The following RIC1 variants were observed in gnomAD, a reference collection of about 807,000 sequenced individuals.
RIC1 encodes guanine nucleotide exchange factor subunit RIC1.
Under a neutral mutation model 169.0 loss-of-function variants are expected in RIC1, and 88 were observed. The observed-to-expected ratio is 0.52, with a 90% CI of 0.44 to 0.62. The LOEUF is 0.62. Among genes scored for constraint, RIC1 ranks in the 20% least tolerant of loss-of-function variants. The pLI is 0.00. For synonymous variants in RIC1, 790 were observed against 601.5 expected, an observed-to-expected ratio of 1.31 and a Z score of -4.59; for missense variants, 1,877 against 1,725.5, an observed-to-expected ratio of 1.09 and a Z score of -1.56.
intron 4 of RIC1, among the ~76,000 whole-genome samples, chr9:5,714,896 G>T (rs949646433): frequency 5.3e-5 from 8 of 152,054 alleles, no homozygotes; most frequent in African/African-American, 1.9e-4. Flanking sequence ...TGAATTATAT[G>T]AATGTCATGC....
intron 2 of RIC1, among the ~76,000 whole-genome samples, chr9:5,663,701 C>A (rs1210745590): frequency 6.6e-6 from 1 of 152,112 alleles, no homozygotes; most frequent in Non-Finnish European, 1.5e-5. Flanking sequence ...GGATGTGTGT[C>A]TTTGCACATG....
At chr9:5,629,732 G>C (rs1024956345) in intron 1 of RIC1, among the ~76,000 whole-genome samples, 1 of 151,794 alleles carries the variant, frequency 6.6e-6, no homozygotes, top group Non-Finnish European at 1.5e-5. Flanking sequence ...GACTCCGCAC[G>C]CTCCCCGGCC....
At chr9:5,722,350 T>A (rs34517640) in intron 6 of RIC1, among the ~76,000 whole-genome samples, 8,041 of 79,226 alleles carry the variant, frequency 0.1, 301 homozygotes, top group African/African-American at 0.17. Context: ...AGAGAGAGAG[T>A]GTGTGTGTGT....
chr9:5,657,197 AAAT>A (rs1819153312), intron 2 of RIC1, among the ~76,000 whole-genome samples: 1 of 152,162 alleles, frequency 6.6e-6, no homozygotes, highest in Non-Finnish European at 1.5e-5. Context: ...ATATTCCAGA[AAAT>A]AATAAGCTTT....
Position 5,765,783 on chromosome 9 carries a change from G to A in RIC1, c.3122G>A (p.Gly1041Asp). Residue 1041 changes from glycine to aspartate, a missense_variant, in exon 21 of 26, where the codon GGT becomes GAT. By Grantham distance (94) the Gly-to-Asp change is moderately conservative. Coordinates refer to ENST00000414202, the MANE Select transcript of RIC1 (RefSeq NM_020829.4). ...SLQKTLSMPSGPSGKRWSKDS... is the reference protein window; with the variant it reads ...SLQKTLSMPSDPSGKRWSKDS... ...CAGAAAACACTAAGTATGCCATCTGGTCCCTCTGGAAAAAGGTAAAATAAT... is the reference window on the plus strand; with the variant it reads ...CAGAAAACACTAAGTATGCCATCTGATCCCTCTGGAAAAAGGTAAAATAAT... The A allele has an allele frequency of 3.1e-6, 5 of 1,614,050 alleles. No individual in the cohort carries two copies. Among genetic ancestry groups the A allele is most frequent in the Non-Finnish European group, 3.4e-6 (4 of 1,179,980 alleles).
intron 1 of RIC1, among the ~76,000 whole-genome samples, chr9:5,655,242 G>A (rs1819022744): frequency 6.6e-6 from 1 of 152,088 alleles, no homozygotes; most frequent in African/African-American, 2.4e-5. Flanking sequence ...CTATTCCCGA[G>A]AGGTTTTTTT....
At chr9:5,698,985 C>G (rs1007423154) in intron 3 of RIC1, among the ~76,000 whole-genome samples, 5 of 152,306 alleles carry the variant, frequency 3.3e-5, no homozygotes, top group Non-Finnish European at 7.4e-5. Context: ...AAAAGCAAGT[C>G]TCAGATTGAG....
In RIC1 at chr9:5,765,394, G is replaced by A. The variant is rs201990573; in HGVS notation, c.2842-20G>A. ...AATTGTGTAGTATAAAAAGAATGCT[G>A]TCCTGGTTGTTTTTTGTAGAATATG... On this transcript the variant is annotated intron_variant, in intron 19 of 25. Coordinates refer to ENST00000414202, the MANE Select transcript of RIC1 (RefSeq NM_020829.4). 6.2e-7 allele frequency: 1 copy of A among 1,605,692 alleles called. No individual in the cohort carries two copies. Among genetic ancestry groups the A allele is most frequent in the Non-Finnish European group, 8.5e-7 (1 of 1,176,620 alleles).
intron 2 of RIC1, among the ~76,000 whole-genome samples, chr9:5,683,711 TG>T (rs1821006825): frequency 6.6e-6 from 1 of 152,220 alleles, no homozygotes. Context: ...AGGTTACTGC[TG>T]CCTTTTGTTT....
chr9:5,740,866 A>T (rs1825044369), intron 8 of RIC1, among the ~76,000 whole-genome samples: 1 of 152,096 alleles, frequency 6.6e-6, no homozygotes, highest in East Asian at 1.9e-4. Flanking sequence ...GTTAACCATC[A>T]CAATTAGGAT....
At chr9:5,725,850 T>TC (rs1823942348) in intron 6 of RIC1, among the ~76,000 whole-genome samples, 1 of 152,150 alleles carries the variant, frequency 6.6e-6, no homozygotes, top group Non-Finnish European at 1.5e-5. Context: ...TTGTTCAGTT[T>TC]CATGTAGTTG....
chr9:5,657,831 A>C (rs538840357), intron 2 of RIC1, among the ~76,000 whole-genome samples: 1 of 152,144 alleles, frequency 6.6e-6, no homozygotes, highest in Non-Finnish European at 1.5e-5. Flanking sequence ...TACATATTTA[A>C]ATAATCAAAA....
chr9:5,672,878 C>A (rs1421510686), intron 2 of RIC1, among the ~76,000 whole-genome samples: 2 of 151,974 alleles, frequency 1.3e-5, no homozygotes. Flanking sequence ...CACTACTAAC[C>A]CTGGAAACTT....
intron 12 of RIC1, among the ~76,000 whole-genome samples, chr9:5,751,350 C>A (rs542131842): frequency 4.0e-5 from 6 of 151,696 alleles, no homozygotes; most frequent in Non-Finnish European, 5.9e-5. Flanking sequence ...TCATAGTGAT[C>A]TTTTTGGGGG....
At chr9:5,658,352 A>C (rs1218166794) in intron 2 of RIC1, among the ~76,000 whole-genome samples, 2 of 152,144 alleles carry the variant, frequency 1.3e-5, no homozygotes, top group African/African-American at 4.8e-5. Context: ...AGAATTAAAA[A>C]ATTTAGCACA....
chr9:5,754,657 G>A (rs898581095), intron 14 of RIC1, among the ~76,000 whole-genome samples, 184 bp from the exon 15 acceptor site: 2 of 152,160 alleles, frequency 1.3e-5, no homozygotes, highest in African/African-American at 4.8e-5. Flanking sequence ...CTTGAACCCA[G>A]GAGGCGGAGG....
At chr9:5,650,614 A>G (rs1044845042) in intron 1 of RIC1, among the ~76,000 whole-genome samples, 1 of 152,016 alleles carries the variant, frequency 6.6e-6, no homozygotes, top group African/African-American at 2.4e-5. Flanking sequence ...TGACACTGGC[A>G]TGCTGGGAGA....
intron 2 of RIC1, among the ~76,000 whole-genome samples, chr9:5,681,145 T>C (rs1820809476): frequency 6.6e-6 from 1 of 152,004 alleles, no homozygotes; most frequent in Admixed American, 6.6e-5. Flanking sequence ...TAAGGTTTTT[T>C]TGTGTCTCTA....
chr9:5,701,598 A>AG (rs1465372516), intron 3 of RIC1, among the ~76,000 whole-genome samples: 1 of 152,136 alleles, frequency 6.6e-6, no homozygotes, highest in African/African-American at 2.4e-5. Flanking sequence ...CATTTAAAAA[A>AG]AAAAAAAAAG....
Sources: gnomAD v4.1 joint callset for allele counts (sites outside exome capture counted in the v4.1 genomes callset) on GRCh38, gnomAD v4.1.1 for gene constraint, MANE v1.5 for transcripts, NCBI Gene and HGNC (gene_info 2026-07-23, HGNC 2026-07-21) for gene names.